Variants in TLL1 observed in about 807,000 individuals in gnomAD.
The protein encoded by TLL1 is tolloid-like protein 1.
TLL1 carries 49 observed loss-of-function variants against 128.2 expected under a neutral mutation model. That is an observed-to-expected ratio of 0.38 (90% CI 0.30 to 0.48). The LOEUF (loss-of-function observed/expected upper bound fraction) is 0.48. TLL1 is among the 20% of genes least tolerant of loss of function. TLL1 has a pLI of 0.96. For synonymous variants in TLL1, 454 were observed against 418.8 expected (o/e 1.08, Z -1.03); for missense variants, 1,123 against 1,242.0 (o/e 0.90, Z 1.44).
chr4:165,965,718 G>A (rs1332497278), intron 1 of TLL1, among the ~76,000 whole-genome samples: 1 of 152,174 alleles, frequency 6.6e-6, no homozygotes, highest in Admixed American at 6.5e-5. Flanking sequence ...GAGTCACTGA[G>A]AAAGAATGTT....
chr4:166,062,095 G>A (rs1161120529), intron 15 of TLL1, among the ~76,000 whole-genome samples: 1 of 152,170 alleles, frequency 6.6e-6, no homozygotes, highest in Non-Finnish European at 1.5e-5. Context: ...GTTGGTACCA[G>A]TACCATGCTG....
chr4:165,956,121 A>G (rs1350783497), intron 1 of TLL1, among the ~76,000 whole-genome samples: 4 of 148,786 alleles, frequency 2.7e-5, no homozygotes, highest in Non-Finnish European at 5.9e-5. Flanking sequence ...AACAGGACAA[A>G]TGGCAAAAGC....
chr4:165,918,641 A>G (rs939384596), intron 1 of TLL1, among the ~76,000 whole-genome samples: 4 of 152,044 alleles, frequency 2.6e-5, no homozygotes, highest in African/African-American at 9.7e-5. Context: ...AGAGCTATTT[A>G]TCTTTAGAAT....
At chr4:165,975,319 C>A (rs1203165858) in intron 1 of TLL1, among the ~76,000 whole-genome samples, 4 of 151,998 alleles carry the variant, frequency 2.6e-5, no homozygotes, top group African/African-American at 9.7e-5. Flanking sequence ...AGTAGTAGTA[C>A]CCCTTCCCCC....
intron 15 of TLL1, among the ~76,000 whole-genome samples, chr4:166,062,815 C>T (rs1387366677): frequency 1.3e-5 from 2 of 152,128 alleles, no homozygotes; most frequent in African/African-American, 2.4e-5. Flanking sequence ...AAGGGAATGC[C>T]TCCAGATTTT....
At chr4:166,085,644 A>G (rs958660650) in intron 18 of TLL1, among the ~76,000 whole-genome samples, 1 of 152,096 alleles carries the variant, frequency 6.6e-6, no homozygotes, top group Non-Finnish European at 1.5e-5. Flanking sequence ...TATCATAGTG[A>G]ATGATCTTTT....
intron 9 of TLL1, among the ~76,000 whole-genome samples, chr4:166,029,539 C>T (rs928079834): frequency 2.6e-5 from 4 of 151,864 alleles, no homozygotes; most frequent in African/African-American, 9.7e-5. Context: ...TAAAATTTAC[C>T]ATCTTAACCA....
chr4:165,882,552 G>A (rs903023996), intron 1 of TLL1, among the ~76,000 whole-genome samples: 2 of 152,012 alleles, frequency 1.3e-5, no homozygotes, highest in Admixed American at 1.3e-4. Flanking sequence ...CAGAATAATT[G>A]GGTTTTGGTA....
At chr4:166,081,095 C>G (rs1297343019) in intron 18 of TLL1, among the ~76,000 whole-genome samples, 1 of 152,146 alleles carries the variant, frequency 6.6e-6, no homozygotes, top group Non-Finnish European at 1.5e-5. Context: ...GTCTATATAT[C>G]TTATGAGTCT....
At chr4:166,016,928 G>A (rs1737978393) in intron 8 of TLL1, among the ~76,000 whole-genome samples, 2 of 151,028 alleles carry the variant, frequency 1.3e-5, no homozygotes, top group Admixed American at 6.6e-5. Flanking sequence ...TTCTATCTTG[G>A]CCTTTTTTTA....
intron 1 of TLL1, among the ~76,000 whole-genome samples, chr4:165,954,866 A>C (rs73860901): frequency 0.018 from 2,778 of 152,206 alleles, 74 homozygotes; most frequent in African/African-American, 0.063. Context: ...AGAGATAATG[A>C]ACGCAAGAAT....
intron 16 of TLL1, among the ~76,000 whole-genome samples, chr4:166,071,583 A>C (rs1740807650): frequency 6.6e-6 from 1 of 151,958 alleles, no homozygotes; most frequent in Non-Finnish European, 1.5e-5. Flanking sequence ...TCAATTATTA[A>C]ATGTGTTATG....
At chr4:165,905,405 T>C (rs562836537) in intron 1 of TLL1, among the ~76,000 whole-genome samples, 2 of 152,218 alleles carry the variant, frequency 1.3e-5, no homozygotes, top group Non-Finnish European at 2.9e-5. Context: ...ATTCAACTTA[T>C]GTTGGATTTT....
At chr4:166,043,244 G>A in intron 11 of TLL1, 30 bp from the exon 12 acceptor site, 2 of 1,613,830 alleles carry the variant, frequency 1.2e-6, no homozygotes, top group Non-Finnish European at 1.7e-6. Context: ...TCCAGGCTTA[G>A]TTATTTGTTT....
At chr4:166,053,597 A>C (rs1739859172) in intron 12 of TLL1, among the ~76,000 whole-genome samples, 1 of 152,112 alleles carries the variant, frequency 6.6e-6, no homozygotes, top group African/African-American at 2.4e-5. Context: ...TTGTCTTTAT[A>C]CTACCTCATT....
In TLL1 at chr4:166,055,129, CA is replaced by C. The variant is rs773504009; in HGVS notation, c.1579del (p.Ser527ValfsTer6). On this transcript the variant is annotated frameshift_variant, in exon 13 of 21. Coordinates refer to ENST00000061240, the MANE Select transcript of TLL1 (RefSeq NM_012464.5). LOFTEE classifies it high-confidence loss of function. ...YDYLEVRDGT[S>X]ENSPLIGRFC... ...ACTACCTGGAAGTTAGAGATGGAAC[CA>C]GTGAAAATAGCCCTTTGATAGGGCG... 1 of 1,613,100 alleles carries C rather than the reference CA, an allele frequency of 6.2e-7. No homozygotes were observed. Among genetic ancestry groups the C allele is most frequent in the South Asian group, 1.1e-5 (1 of 90,928 alleles).
chr4:165,892,165 T>C (rs1038888671), intron 1 of TLL1, among the ~76,000 whole-genome samples: 10 of 152,208 alleles, frequency 6.6e-5, no homozygotes, highest in African/African-American at 2.4e-4. Flanking sequence ...GAAAACAGCA[T>C]GGATGTTACT....
At chr4:166,000,714 AT>A (rs754190096) in intron 5 of TLL1, among the ~76,000 whole-genome samples, 51 of 151,756 alleles carry the variant, frequency 3.4e-4, no homozygotes, top group African/African-American at 1.1e-3. Context: ...AAAATTTGAA[AT>A]TTTTTTTTGT....
rs182439828 is a variant in TLL1, at chr4:166,084,609, C to T, written c.2443-6519C>T. Among the ~76,000 whole-genome samples, 391 of 152,150 alleles carry T rather than the reference C, an allele frequency of 2.6e-3. 1 individual carries two copies. The highest frequency in any genetic ancestry group is 9.2e-3 in the African/African-American group (381 of 41,532). On this transcript the variant is annotated intron_variant, in intron 18 of 20. Coordinates refer to ENST00000061240, the MANE Select transcript of TLL1 (RefSeq NM_012464.5). ...TGTTATTCTTCTGCATGTGGATATC[C>T]AGTTTTCCCAATGCCATTAGAGGAG...
Sources: gnomAD v4.1 joint callset for allele counts (sites outside exome capture counted in the v4.1 genomes callset) on GRCh38, gnomAD v4.1.1 for gene constraint, MANE v1.5 for transcripts, NCBI Gene and HGNC (gene_info 2026-07-23, HGNC 2026-07-21) for gene names.